The following DYNC1I1 variants were observed in gnomAD, a reference collection of about 807,000 sequenced individuals.
The protein encoded by DYNC1I1 is cytoplasmic dynein 1 intermediate chain 1.
A neutral mutation model predicts 86.6 loss-of-function variants in DYNC1I1; 43 were observed. That is an observed-to-expected ratio of 0.50 (90% CI 0.39 to 0.64). The LOEUF is 0.64. Among genes scored for constraint, DYNC1I1 ranks in the 30% least tolerant of loss-of-function variants. DYNC1I1 has a pLI of 0.00. For missense variants in DYNC1I1, 604 were observed against 788.8 expected (o/e 0.77, Z 2.81); for synonymous variants, 262 against 283.7 (o/e 0.92, Z 0.77).
At chr7:95,951,816 A>G (rs1022562131) in intron 6 of DYNC1I1, among the ~76,000 whole-genome samples, 2 of 152,112 alleles carry the variant, frequency 1.3e-5, no homozygotes, top group Non-Finnish European at 2.9e-5. Flanking sequence ...CATGCTTCTT[A>G]CCTTGGAGAC....
intron 14 of DYNC1I1, among the ~76,000 whole-genome samples, chr7:96,057,801 C>T (rs1789626130): frequency 6.6e-6 from 1 of 152,090 alleles, no homozygotes; most frequent in African/African-American, 2.4e-5. Context: ...GTCTTATTGA[C>T]CAATTACATA....
At chr7:95,967,319 C>T (rs1051328821) in intron 6 of DYNC1I1, among the ~76,000 whole-genome samples, 4 of 152,110 alleles carry the variant, frequency 2.6e-5, no homozygotes, top group African/African-American at 9.7e-5. Flanking sequence ...GAAATCCCGC[C>T]AACAGGTAGA....
chr7:95,850,224 T>G (rs1384948034), intron 5 of DYNC1I1, among the ~76,000 whole-genome samples: 6 of 152,224 alleles, frequency 3.9e-5, no homozygotes, highest in Admixed American at 3.3e-4. Flanking sequence ...ATTGTTTTGC[T>G]AGGACTTCCA....
At chr7:96,090,832 T>C (rs1358227885) in intron 16 of DYNC1I1, among the ~76,000 whole-genome samples, 1 of 152,186 alleles carries the variant, frequency 6.6e-6, no homozygotes, top group Non-Finnish European at 1.5e-5. Context: ...CCATATATCT[T>C]TTTGTGGTAG....
At chr7:95,987,746 C>A (rs189348470) in intron 9 of DYNC1I1, among the ~76,000 whole-genome samples, 7 of 152,258 alleles carry the variant, frequency 4.6e-5, no homozygotes, top group Admixed American at 4.6e-4. Context: ...ACTTTGTACA[C>A]CAGACAGAGC....
At chr7:95,816,526 G>T (rs1191468877) in intron 4 of DYNC1I1, among the ~76,000 whole-genome samples, 1 of 152,050 alleles carries the variant, frequency 6.6e-6, no homozygotes, top group Non-Finnish European at 1.5e-5. Flanking sequence ...TCTTTCTCCT[G>T]ATCGGTTTTG....
At chr7:95,774,089 C>T (rs2115599867) in intron 1 of DYNC1I1, among the ~76,000 whole-genome samples, 1 of 152,352 alleles carries the variant, frequency 6.6e-6, no homozygotes, top group East Asian at 1.9e-4. Context: ...TGAGTTACCA[C>T]ATGTTCTCTT....
chr7:96,078,074 A>G (rs1790397379), intron 15 of DYNC1I1, among the ~76,000 whole-genome samples: 1 of 152,160 alleles, frequency 6.6e-6, no homozygotes, highest in African/African-American at 2.4e-5. Context: ...TCTTCTGGCA[A>G]GTTGAACAAG....
intron 1 of DYNC1I1, among the ~76,000 whole-genome samples, chr7:95,776,895 G>A (rs1677830): frequency 2.6e-5 from 4 of 152,198 alleles, no homozygotes; most frequent in Non-Finnish European, 5.9e-5. Flanking sequence ...CTGTAAGGTG[G>A]ACATTTTTCT....
chr7:96,059,313 G>GA lies in DYNC1I1; in HGVS notation c.1510-16733dup, dbSNP rs113602411. Among the ~76,000 whole-genome samples, 282 of 137,666 alleles carry GA rather than the reference G, an allele frequency of 2.0e-3. 2 individuals are homozygous for GA. Among genetic ancestry groups the GA allele is most frequent in the Middle Eastern group, 0.019 (5 of 270 alleles). The allele number at this position is 137,666 out of a possible 152,430, so 90.3% of individuals were successfully genotyped here. A position where few individuals can be genotyped will look rare whatever the true frequency, so the allele number is the denominator to read the frequency against. ...TGGGGCCATTCCAAACAGTGAAATCGAAAAAAAAAAATGCAAAAACCATGG... is the reference window on the plus strand; with the variant it reads ...TGGGGCCATTCCAAACAGTGAAATCGAAAAAAAAAAAATGCAAAAACCATGG... On this transcript the variant is annotated intron_variant, in intron 14 of 16. Coordinates refer to ENST00000447467, the MANE Select transcript of DYNC1I1 (RefSeq NM_001135556.2).
intron 5 of DYNC1I1, among the ~76,000 whole-genome samples, chr7:95,846,670 G>A (rs935306129): frequency 9.9e-5 from 4 of 40,296 alleles, no homozygotes; most frequent in Admixed American, 2.3e-4. Context: ...TGTGTGTGAC[G>A]AAGGGGGCCA....
At chr7:96,007,993 A>G (rs1350348677) in intron 10 of DYNC1I1, among the ~76,000 whole-genome samples, 1 of 152,154 alleles carries the variant, frequency 6.6e-6, no homozygotes. Flanking sequence ...TGAGACCCAT[A>G]TACCCTCCAG....
chr7:96,070,186 T>C (rs913305776), intron 14 of DYNC1I1, among the ~76,000 whole-genome samples: 1 of 152,204 alleles, frequency 6.6e-6, no homozygotes, highest in Non-Finnish European at 1.5e-5. Flanking sequence ...GCAAATAAAG[T>C]TTCCCAGTGA....
intron 4 of DYNC1I1, among the ~76,000 whole-genome samples, chr7:95,824,282 C>T (rs941741775): frequency 3.3e-5 from 5 of 151,898 alleles, no homozygotes; most frequent in African/African-American, 4.8e-5. Context: ...CATGAGTTAC[C>T]GTGCCAGGCC....
At position 95,913,308 on chromosome 7, in the gene DYNC1I1, G is replaced by A. The variant is rs143345390; in HGVS notation, c.490+43310G>A. 2.3e-3 allele frequency among the ~76,000 whole-genome samples: 357 copies of A among 152,288 alleles called. 2 individuals carry two copies. In the Middle Eastern group the frequency reaches 0.024, roughly 10 times the overall value. ...TAAAAATAGAACAGAGCTCTTGAGCGGAGGTGGGGGCATGGTGCCACACAT... is the reference window on the plus strand; with the variant it reads ...TAAAAATAGAACAGAGCTCTTGAGCAGAGGTGGGGGCATGGTGCCACACAT... On this transcript the variant is annotated intron_variant, in intron 6 of 16. Transcript: ENST00000447467.
chr7:95,949,047 A>G (rs915943137), intron 6 of DYNC1I1, among the ~76,000 whole-genome samples: 4 of 151,852 alleles, frequency 2.6e-5, no homozygotes, highest in African/African-American at 9.7e-5. Flanking sequence ...TTGCAACTTC[A>G]CTCTGCAGAG....
At chr7:95,854,170 A>G (rs1789655725) in intron 5 of DYNC1I1, among the ~76,000 whole-genome samples, 1 of 152,050 alleles carries the variant, frequency 6.6e-6, no homozygotes, top group South Asian at 2.1e-4. Flanking sequence ...TATTCTACTA[A>G]CATTTTGTTA....
intron 6 of DYNC1I1, among the ~76,000 whole-genome samples, chr7:95,892,647 A>G (rs1790774573): frequency 6.6e-6 from 1 of 152,062 alleles, no homozygotes; most frequent in African/African-American, 2.4e-5. Context: ...GGGTTTCACC[A>G]TGTTGGCCAG....
chr7:95,818,551 T>C lies in DYNC1I1; in HGVS notation c.314+5214T>C, dbSNP rs1295279228. On this transcript the variant is annotated intron_variant, in intron 4 of 16. Coordinates refer to ENST00000447467, the MANE Select transcript of DYNC1I1 (RefSeq NM_001135556.2). ...CTGGTCTTGAACTTCTGGCCTCAAA[T>C]GATTCTCCTCCCTCTTCATCCCAAA... 5 of 671,662 alleles carry C rather than the reference T, an allele frequency of 7.4e-6. No individual in the cohort carries two copies. The East Asian group carries it at 1.1e-4, about 15-fold the overall frequency. 41.6% of individuals were successfully genotyped at this position (671,662 alleles called of 1,614,324 possible).
Sources: gnomAD v4.1 joint callset for allele counts (sites outside exome capture counted in the v4.1 genomes callset) on GRCh38, gnomAD v4.1.1 for gene constraint, MANE v1.5 for transcripts, NCBI Gene and HGNC (gene_info 2026-07-23, HGNC 2026-07-21) for gene names.